The following PHF24 variants were observed in gnomAD, a reference collection of about 807,000 sequenced individuals.
The protein encoded by PHF24 is PHD finger protein 24, also known as Galpha inhibitory interacting protein.
A neutral mutation model predicts 42.6 loss-of-function variants in PHF24; 25 were observed. The ratio of observed to expected loss-of-function variants is 0.59; its 90% confidence interval spans 0.43 to 0.82. The LOEUF is 0.82. Among genes scored for constraint, PHF24 ranks in the 40% least tolerant of loss-of-function variants. PHF24 has a pLI of 0.00. For synonymous variants in PHF24, 185 were observed against 204.8 expected (o/e 0.90, Z 0.83); for missense variants, 470 against 538.1 (o/e 0.87, Z 1.25).
At chr9:34,735,660 G>A in the PHF24 span, among the ~76,000 whole-genome samples, 866 of 150,486 alleles carry the variant, frequency 5.8e-3, 11 homozygotes, top group African/African-American at 0.02. Flanking sequence ...TTAGCTGGGC[G>A]CGGTGGCAGA....
At chr9:34,809,805 C>T in the PHF24 span, among the ~76,000 whole-genome samples, 1 of 152,068 alleles carries the variant, frequency 6.6e-6, no homozygotes, top group African/African-American at 2.4e-5. The surrounding 1 kb of genome is among the most constrained non-coding windows in gnomAD (Gnocchi z 4.1). Context: ...CCAGGGCGCT[C>T]GTAGAGGGCG....
chr9:34,810,192 G>A, the PHF24 span, among the ~76,000 whole-genome samples: 8 of 152,098 alleles, frequency 5.3e-5, no homozygotes, highest in African/African-American at 1.4e-4. Context: ...GGACCGGGCC[G>A]TCACCTGAGG....
At chr9:34,828,814 C>G in the PHF24 span, among the ~76,000 whole-genome samples, 1 of 152,198 alleles carries the variant, frequency 6.6e-6, no homozygotes, top group Non-Finnish European at 1.5e-5. Context: ...ACTGGCTCCT[C>G]CTTTTATTCC....
the PHF24 span, among the ~76,000 whole-genome samples, chr9:34,799,949 C>T: frequency 4.0e-5 from 6 of 151,860 alleles, no homozygotes; most frequent in African/African-American, 1.5e-4. Context: ...CACATTGACA[C>T]AGAATGTGAA....
the PHF24 span, among the ~76,000 whole-genome samples, chr9:34,686,322 T>C: frequency 1.3e-5 from 2 of 152,064 alleles, no homozygotes; most frequent in African/African-American, 4.8e-5. Context: ...AAGTTGAATA[T>C]GAGATGATCA....
chr9:34,969,591 A>G (rs538947340), intron 1 of PHF24, among the ~76,000 whole-genome samples: 1 of 151,762 alleles, frequency 6.6e-6, no homozygotes, highest in Non-Finnish European at 1.5e-5. Flanking sequence ...CAGTGAGCCA[A>G]GATCGTGCCA....
At chr9:34,853,610 C>T in the PHF24 span, among the ~76,000 whole-genome samples, 96 of 151,696 alleles carry the variant, frequency 6.3e-4, no homozygotes, top group Middle Eastern at 3.4e-3. Context: ...GGGCGGATCA[C>T]GAGGTCAGGA....
At chr9:34,870,961 T>A in the PHF24 span, among the ~76,000 whole-genome samples, 1 of 152,198 alleles carries the variant, frequency 6.6e-6, no homozygotes, top group African/African-American at 2.4e-5. Flanking sequence ...TTTGGATAAA[T>A]ACAAAGAAGC....
chr9:34,826,102 T>A, the PHF24 span, among the ~76,000 whole-genome samples: 1 of 152,056 alleles, frequency 6.6e-6, no homozygotes, highest in Non-Finnish European at 1.5e-5. Flanking sequence ...CACCCCTCCT[T>A]CTGGAAACTG....
the PHF24 span, among the ~76,000 whole-genome samples, chr9:34,911,714 A>T: frequency 1.0e-4 from 15 of 147,894 alleles, no homozygotes; most frequent in African/African-American, 3.5e-4. Context: ...TTTAAGATTT[A>T]AAAAAAAAAA....
chr9:34,788,049 T>C, the PHF24 span, among the ~76,000 whole-genome samples: 1 of 152,070 alleles, frequency 6.6e-6, no homozygotes. Context: ...TTTTGTTTTG[T>C]TTTTTTGAGA....
At chr9:34,882,804 A>G in the PHF24 span, among the ~76,000 whole-genome samples, 1 of 152,200 alleles carries the variant, frequency 6.6e-6, no homozygotes, top group Admixed American at 6.5e-5. Context: ...TAATTTATAG[A>G]TTCAATGCCA....
At chr9:34,966,127 G>C (rs1170484320) in intron 1 of PHF24, among the ~76,000 whole-genome samples, 2 of 152,200 alleles carry the variant, frequency 1.3e-5, no homozygotes, top group Non-Finnish European at 2.9e-5. Context: ...AAAAAGCAGA[G>C]ATGGTTTTTA....
the PHF24 span, among the ~76,000 whole-genome samples, chr9:34,937,415 C>G: frequency 1.3e-5 from 2 of 152,100 alleles, no homozygotes; most frequent in Non-Finnish European, 2.9e-5. Context: ...AAGGGCGGTG[C>G]AAGATGTGCT....
the PHF24 span, among the ~76,000 whole-genome samples, chr9:34,841,902 G>T: frequency 6.6e-6 from 1 of 152,198 alleles, no homozygotes; most frequent in Non-Finnish European, 1.5e-5. Flanking sequence ...TTTCACATTT[G>T]TATATACTTG....
the PHF24 span, among the ~76,000 whole-genome samples, chr9:34,718,495 G>A: frequency 4.6e-5 from 7 of 152,224 alleles, no homozygotes; most frequent in Non-Finnish European, 1.0e-4. Context: ...TCCCACCTGA[G>A]CTCAAGGAAG....
At chr9:34,670,624 G>A in the PHF24 span, among the ~76,000 whole-genome samples, 1 of 152,170 alleles carries the variant, frequency 6.6e-6, no homozygotes, top group Non-Finnish European at 1.5e-5. Context: ...GGGGAGGAGA[G>A]TTTGCACTAT....
At chr9:34,689,865 C>T in the PHF24 span, 1 of 1,614,176 alleles carries the variant, frequency 6.2e-7, no homozygotes, top group Non-Finnish European at 8.5e-7. This position sits in a 1 kb window ranked among gnomAD's most constrained non-coding sequence, Gnocchi z 4.1. Context: ...GAGGAAGGAT[C>T]ATGGGCTGGA....
the PHF24 span, among the ~76,000 whole-genome samples, chr9:34,737,812 T>C: frequency 6.6e-6 from 1 of 152,200 alleles, no homozygotes; most frequent in Non-Finnish European, 1.5e-5. Context: ...CGACATGCTT[T>C]TACTGTAACT....
Sources: gnomAD v4.1 joint callset for allele counts (sites outside exome capture counted in the v4.1 genomes callset) on GRCh38, gnomAD v4.1.1 for gene constraint, Gnocchi (gnomAD v3.1) non-coding constraint, MANE v1.5 for transcripts, NCBI Gene and HGNC (gene_info 2026-07-23, HGNC 2026-07-21) for gene names.